MBD6: variants seen among roughly 807,000 people sequenced by gnomAD.
The protein encoded by MBD6 is methyl-CpG binding domain protein 6, also known as methyl-CpG-binding domain protein 6.
Under a neutral mutation model 66.8 loss-of-function variants are expected in MBD6, and 22 were observed. The observed-to-expected ratio is 0.33, with a 90% CI of 0.24 to 0.47. MBD6 has a LOEUF of 0.47. Ranked by LOEUF, MBD6 falls within the 20% of genes least tolerant of loss-of-function variation. The pLI, the probability that MBD6 is intolerant of heterozygous loss-of-function variation, is 1.00. For missense variants in MBD6, 1,322 were observed against 1,286.9 expected, an observed-to-expected ratio of 1.03 and a Z score of -0.42; for synonymous variants, 540 against 534.6, an observed-to-expected ratio of 1.01 and a Z score of -0.14.
In MBD6 at chr12:57,525,861, C is replaced by T. The variant is rs773680616; in HGVS notation, c.893C>T (p.Pro298Leu). 4 of 1,613,654 alleles carry T rather than the reference C, an allele frequency of 2.5e-6. No individual in the cohort carries two copies. The highest frequency in any genetic ancestry group is 3.4e-6 in the Non-Finnish European group (4 of 1,179,848). ...PPVSSATMHL[P>L]LVLGPLGGAP... Reference sequence around the variant, plus strand: ...GTGTCTTCAGCCACTATGCACCTGCCCCTGGTCCTGGGGCCCCTGGGAGGG... The same window carrying T: ...GTGTCTTCAGCCACTATGCACCTGCTCCTGGTCCTGGGGCCCCTGGGAGGG... Residue 298 changes from proline (P) to leucine (L), a missense_variant, in exon 6 of 13, where the codon CCC (proline) becomes CTC (leucine). Transcript: ENST00000355673.
At chr12:57,524,121 C>T in intron 2 of MBD6, 29 bp downstream of exon 2, 1 of 451,942 alleles carries the variant, frequency 2.2e-6, no homozygotes, top group Non-Finnish European at 3.9e-6. Flanking sequence ...CAGAGGACTC[C>T]TCAGTCTCCC....
At position 57,524,714 on chromosome 12, in the gene MBD6, T is replaced by C; in HGVS notation, c.114-6T>C. 5 of 1,614,060 alleles carry C rather than the reference T, an allele frequency of 3.1e-6. No homozygotes were observed. Among genetic ancestry groups the C allele is most frequent in the Non-Finnish European group, 4.2e-6 (5 of 1,179,936 alleles). ...CCCCATGTCCTCTGACCCTGTCCTC[T>C]CGCAGTCCAAGTGGCACAGAGCTGT... On this transcript the variant is annotated splice_region_variant and splice_polypyrimidine_tract_variant and intron_variant, in intron 3 of 12. Transcript: ENST00000355673.
Position 57,524,840 on chromosome 12 carries a change from C to T in MBD6, c.216+18C>T, listed in dbSNP as rs750805821. ...TCCCCAAGGTCAGAGTGGTGAGGGG[C>T]GCCTGAGAGTACAGAGATAAGCTAA... On this transcript the variant is annotated intron_variant, in intron 4 of 12. Transcript: ENST00000355673. 217 of 1,613,404 alleles carry T rather than the reference C, an allele frequency of 1.3e-4. No homozygotes were observed. Among genetic ancestry groups the T allele is most frequent in the Non-Finnish European group, 1.7e-4 (200 of 1,179,440 alleles).
chr12:57,522,506 G>A (rs1256117760), upstream of MBD6, among the ~76,000 whole-genome samples: 5 of 152,038 alleles, frequency 3.3e-5, no homozygotes, highest in Non-Finnish European at 5.9e-5. Flanking sequence ...CCCTGAGGAG[G>A]GCTGGGATTG....
At chr12:57,522,753 GCAGCGA>G (rs1402174810), upstream of MBD6, 355 of 127,276 alleles carry the variant, frequency 2.8e-3, 9 homozygotes, top group Non-Finnish European at 4.3e-3. Flanking sequence ...GGCGGCTGCG[GCAGCGA>G]CGGCGGCGGC....
chr12:57,529,428 ACCACCCCC>A lies in MBD6; in HGVS notation c.*197_*204del, dbSNP rs1292877719. 2.2e-5 allele frequency: 9 copies of A among 404,028 alleles called. No homozygotes were observed. The highest frequency in any genetic ancestry group is 2.8e-5 in the African/African-American group (1 of 35,192). The allele number at this position is 404,028 out of a possible 1,614,324, so 25.0% of individuals were successfully genotyped here. ...GGGGCAGGGAAGTTCACCCCCCCCC[ACCACCCCC>A]CCGCCCCCCCGAAGCCATGTCACTG... On this transcript the variant is annotated 3_prime_UTR_variant, in exon 13 of 13. Transcript: ENST00000355673.
rs1878995895 is a variant in MBD6 at position 57,526,719 on chromosome 12, A to G, written c.1574A>G (p.Gln525Arg). Reference sequence around the variant, plus strand: ...GCTTTCCCTTTCCCCAGCCCTGAGCAGGGCCTGGCACTGAGTGGAGCTGGC... The same window carrying G: ...GCTTTCCCTTTCCCCAGCCCTGAGCGGGGCCTGGCACTGAGTGGAGCTGGC... The part of the protein sequence containing the change: ...GEAFPFPSPE[Q>R]GLALSGAGFP... Residue 525 changes from glutamine to arginine, a missense_variant, in exon 7 of 13, where the codon CAG (glutamine) becomes CGG (arginine). Gln to Arg is a conservative substitution (Grantham distance 43). Transcript: ENST00000355673. 2 of 1,554,788 alleles carry G rather than the reference A, an allele frequency of 1.3e-6. No homozygotes were observed. The highest frequency in any genetic ancestry group is 1.4e-5 in the African/African-American group (1 of 73,014).
In MBD6 at chr12:57,525,527, C is replaced by G. The variant is rs765386670; in HGVS notation, c.559C>G (p.Pro187Ala). 3.1e-6 allele frequency: 5 copies of G among 1,590,048 alleles called. No homozygotes were observed. The highest frequency in any genetic ancestry group is 2.7e-5 in the African/African-American group (2 of 74,128). The change falls in exon 6 of 13, where the codon CCA becomes GCA. Residue 187 changes from proline to alanine, a missense_variant. Transcript: ENST00000355673. The part of the protein sequence containing the change: ...TLAGPGGLFP[P>A]RLADPVPSGG... ...AGCAGGCCCTGGGGGGCTTTTCCCC[C>G]CAAGGCTTGCTGACCCAGTCCCTTC...
chr12:57,524,856 G>A (rs781433149), intron 4 of MBD6, 34 bp downstream of exon 4: 8 of 1,613,554 alleles, frequency 5.0e-6, no homozygotes, highest in Non-Finnish European at 2.5e-6. Context: ...AGAGTACAGA[G>A]ATAAGCTAAA....
chr12:57,529,489 C>A lies in MBD6; in HGVS notation c.*255C>A. 1 of 429,016 alleles carries A rather than the reference C, an allele frequency of 2.3e-6. No homozygotes were observed. Among genetic ancestry groups the A allele is most frequent in the African/African-American group, 2.2e-5 (1 of 45,498 alleles). 26.6% of individuals were successfully genotyped at this position (429,016 alleles called of 1,614,324 possible). A position where few individuals can be genotyped will look rare whatever the true frequency, so the allele number is the denominator to read the frequency against. ...AAGGCCTGGGGGGGATGGTATATGG[C>A]CCTTTCCCCACCAGGCGCTAAGGGG... On this transcript the variant is annotated 3_prime_UTR_variant, in exon 13 of 13. Coordinates refer to ENST00000355673, the MANE Select transcript of MBD6 (RefSeq NM_052897.4).
chr12:57,526,800 C>A lies in MBD6; in HGVS notation c.1655C>A (p.Pro552His). The A allele has an allele frequency of 6.2e-7, 1 of 1,610,204 alleles. No homozygotes were observed. The highest frequency in any genetic ancestry group is 8.5e-7 in the Non-Finnish European group (1 of 1,177,430). ...PLPLSLGQPP[P>H]SPLLNHSLFG... ...CCTCTGAGTCTGGGGCAGCCTCCACCTTCTCCATTGCTCAACCACAGTTTA... is the reference window on the plus strand; with the variant it reads ...CCTCTGAGTCTGGGGCAGCCTCCACATTCTCCATTGCTCAACCACAGTTTA... Residue 552 changes from proline (P) to histidine (H), a missense_variant, in exon 7 of 13, where the codon CCT becomes CAT. Physicochemically the swap from Pro to His is moderately conservative, Grantham distance 77. Transcript: ENST00000355673.
At chr12:57,524,536 T>C in intron 3 of MBD6, 120 bp downstream of exon 3, 1 of 1,103,938 alleles carries the variant, frequency 9.1e-7, no homozygotes, top group Non-Finnish European at 1.3e-6. Context: ...TCCCCTTCCT[T>C]CCTCAGCCTT....
At position 57,530,136 on chromosome 12, in the gene MBD6, T is replaced by C. The variant is rs1879503969; in HGVS notation, c.*902T>C. The C allele has an allele frequency of 6.6e-6, 1 of 152,498 alleles. No homozygotes were observed. Among genetic ancestry groups the C allele is most frequent in the African/African-American group, 2.4e-5 (1 of 41,448 alleles). The allele number at this position is 152,498 out of a possible 1,614,324, so 9.4% of individuals were successfully genotyped here. On this transcript the variant is annotated 3_prime_UTR_variant, in exon 13 of 13. Coordinates refer to ENST00000355673, the MANE Select transcript of MBD6 (RefSeq NM_052897.4). The stretch of plus-strand genomic sequence containing the variant: ...ACTCTTAATTTAACAGATGAGAATA[T>C]TTTGAAACTCTGGCTCTGGCTCTGT...
At chr12:57,522,743 G>A (rs1224915062), upstream of MBD6, 11 of 119,544 alleles carry the variant, frequency 9.2e-5, no homozygotes, top group South Asian at 1.2e-3. Context: ...CTCCTGCGGC[G>A]GCGGCTGCGG....
downstream of MBD6, chr12:57,530,905 T>C (rs1260125624): frequency 1.3e-6 from 1 of 778,862 alleles, no homozygotes. Flanking sequence ...AGGGGGGATG[T>C]TTATAGCACC....
chr12:57,528,826 T>A, intron 11 of MBD6, 108 bp downstream of exon 11: 1 of 1,594,618 alleles, frequency 6.3e-7, no homozygotes, highest in Non-Finnish European at 8.6e-7. Context: ...GATTCTTATT[T>A]GAATATGAAT....
chr12:57,530,789 G>A, downstream of MBD6: 1 of 1,608,866 alleles, frequency 6.2e-7, no homozygotes, highest in Non-Finnish European at 8.5e-7. Context: ...CAAAGTGGTA[G>A]AGAGGTTTTA....
At chr12:57,527,356 C>A in intron 7 of MBD6, 129 bp downstream of exon 7, 3 of 1,166,596 alleles carry the variant, frequency 2.6e-6, no homozygotes, top group South Asian at 1.5e-5. Flanking sequence ...TAGTTCTTGG[C>A]TGGGGGTAGG....
downstream of MBD6, chr12:57,530,684 T>C: frequency 1.2e-6 from 2 of 1,613,224 alleles, no homozygotes; most frequent in Non-Finnish European, 1.7e-6. Flanking sequence ...AGCTCCCAAA[T>C]GTGCTCACTT....
Sources: gnomAD v4.1 joint callset for allele counts (sites outside exome capture counted in the v4.1 genomes callset) on GRCh38, gnomAD v4.1.1 for gene constraint, MANE v1.5 for transcripts, NCBI Gene and HGNC (gene_info 2026-07-23, HGNC 2026-07-21) for gene names.